Variants in COCH observed in about 807,000 individuals in gnomAD.
The protein encoded by COCH is coagulation factor C homolog, cochlin (Limulus polyphemus).
COCH carries 40 observed loss-of-function variants against 54.8 expected under a neutral mutation model. That is an observed-to-expected ratio of 0.73 (90% confidence interval 0.57 to 0.95). The LOEUF (loss-of-function observed/expected upper bound fraction) is 0.95. COCH is among the 40% of genes least tolerant of loss of function. The probability of loss-of-function intolerance (pLI) is 0.00; values close to 1 mark genes in which losing one functional copy is unlikely to be tolerated. For missense variants in COCH, 605 were observed against 675.0 expected (o/e 0.90, Z 1.15); for synonymous variants, 256 against 237.9 (o/e 1.08, Z -0.70).
At chr14:30,892,560 T>A (rs1476911392), downstream of COCH, among the ~76,000 whole-genome samples, 1 of 152,100 alleles carries the variant, frequency 6.6e-6, no homozygotes, top group East Asian at 1.9e-4. Context: ...AGCCAGCACT[T>A]TGGGAGGCCG....
intron 11 of COCH, among the ~76,000 whole-genome samples, chr14:30,886,684 G>A (rs1163640223): frequency 1.3e-5 from 2 of 152,204 alleles, no homozygotes; most frequent in Non-Finnish European, 2.9e-5. Context: ...CAAATAGCCA[G>A]CTTATAACCT....
chr14:30,884,338 T>A (rs1232848822), intron 8 of COCH: 4 of 539,502 alleles, frequency 7.4e-6, no homozygotes, highest in Non-Finnish European at 1.3e-5. Flanking sequence ...TTACCCAGAA[T>A]ATAATAAATC....
In COCH at chr14:30,885,798, TG is replaced by T; in HGVS notation, c.964del (p.Val322SerfsTer22). 1 of 1,614,036 alleles carries T rather than the reference TG, an allele frequency of 6.2e-7. No homozygotes were observed. The highest frequency in any genetic ancestry group is 8.5e-7 in the Non-Finnish European group (1 of 1,179,972). On this transcript the variant is annotated frameshift_variant, in exon 11 of 12. Transcript: ENST00000396618. LOFTEE classifies it high-confidence loss of function. ...VQDVTFVDKAVCRNNGFFSYH... is the reference protein window; with the variant it reads ...VQDVTFVDKAXCRNNGFFSYH... ...CTTTTATGTGTCTCCCCCATTAGGC[TG>T]TCTGTCGGAATAATGGCTTCTTCTC...
In COCH at chr14:30,886,101, T is replaced by C; in HGVS notation, c.1266T>C (p.Thr422=). 1.2e-6 allele frequency: 2 copies of C among 1,614,226 alleles called. No individual in the cohort carries two copies. The highest frequency in any genetic ancestry group is 1.7e-5 in the Admixed American group (1 of 60,024). The change falls in exon 11 of 12, where the codon ACT becomes ACC. Residue 422 remains threonine (T), a synonymous_variant. Coordinates refer to ENST00000396618, the MANE Select transcript of COCH (RefSeq NM_004086.3). ...ATCAGCGCACGGAGTTCAGTTTCAC[T>C]GACTATAGCACCAAAGAGAATGTCC... is the stretch of plus-strand genomic sequence containing the variant. The part of the protein sequence containing the change: ...TYDQRTEFSF[T]DYSTKENVLA...
chr14:30,880,332 A>T (rs1566408881), intron 6 of COCH, 120 bp from the exon 7 acceptor site: 18 of 1,457,266 alleles, frequency 1.2e-5, no homozygotes, highest in Non-Finnish European at 1.6e-5. Flanking sequence ...GAGGAAATTA[A>T]TTTTTTTAAA....
At position 30,877,607 on chromosome 14, in the gene COCH, G is replaced by T. The variant is rs143098658; in HGVS notation, c.118G>T (p.Asp40Tyr). 1 of 1,614,168 alleles carries T rather than the reference G, an allele frequency of 6.2e-7. No individual in the cohort carries two copies. The highest frequency in any genetic ancestry group is 1.1e-5 in the South Asian group (1 of 91,084). The change falls in exon 4 of 12, where the codon GAC becomes TAC. Residue 40 changes from aspartate (D) to tyrosine (Y), a missense_variant. By Grantham distance (160) the Asp-to-Tyr change is radical (BLOSUM62 -3). Transcript: ENST00000396618. The surrounding 1 kb of genome is among the most constrained non-coding windows in gnomAD (Gnocchi z 8.6). ...TATCACATGTTTTACCAGAGGCTTG[G>T]ACATCAGGAAAGAGAAAGCAGATGT... Reference protein sequence around the residue: ...IAITCFTRGLDIRKEKADVLC... With the variant: ...IAITCFTRGLYIRKEKADVLC...
chr14:30,879,002 GCTT>G, intron 5 of COCH, 58 bp downstream of exon 5: 3 of 1,597,974 alleles, frequency 1.9e-6, no homozygotes, highest in South Asian at 2.2e-5. Context: ...AACGTTTTCT[GCTT>G]TTTTTAGCTC....
chr14:30,885,239 G>A, intron 9 of COCH, 155 bp from the exon 10 acceptor site: 1 of 934,668 alleles, frequency 1.1e-6, no homozygotes, highest in Admixed American at 2.3e-5. Context: ...ATCTGTTACA[G>A]AACTGGGTTC....
At chr14:30,884,852 T>C (rs1895726868) in intron 9 of COCH, 196 bp downstream of exon 9, 4 of 1,485,422 alleles carry the variant, frequency 2.7e-6, no homozygotes, top group Non-Finnish European at 3.6e-6. Context: ...TTGATATTTC[T>C]TATTTTAAAA....
intron 9 of COCH, chr14:30,884,902 T>C (rs200869413): frequency 1.1e-5 from 18 of 1,591,334 alleles, no homozygotes; most frequent in Non-Finnish European, 1.4e-5. Context: ...ATACATTGGA[T>C]TGACTAGATA....
intron 11 of COCH, chr14:30,889,215 C>T: frequency 4.4e-6 from 1 of 226,608 alleles, no homozygotes; most frequent in Non-Finnish European, 8.8e-6. Context: ...CTGTTTGATG[C>T]AGGCCAACCT....
downstream of COCH, among the ~76,000 whole-genome samples, chr14:30,891,389 T>A (rs1039273788): frequency 6.6e-6 from 1 of 152,176 alleles, no homozygotes; most frequent in Non-Finnish European, 1.5e-5. Flanking sequence ...CTGGTTAGAA[T>A]AATATACTCC....
chr14:30,883,285 C>T (rs1266538218), intron 8 of COCH, among the ~76,000 whole-genome samples: 1 of 152,202 alleles, frequency 6.6e-6, no homozygotes, highest in Non-Finnish European at 1.5e-5. Context: ...GCAAATTCCC[C>T]TGCAGTACTT....
At chr14:30,883,597 A>G (rs1180179192) in intron 8 of COCH, among the ~76,000 whole-genome samples, 1 of 152,238 alleles carries the variant, frequency 6.6e-6, no homozygotes, top group Non-Finnish European at 1.5e-5. Context: ...ATGTATGCAG[A>G]AATACAGTCA....
intron 8 of COCH, among the ~76,000 whole-genome samples, chr14:30,884,116 G>T (rs1307049731): frequency 6.6e-6 from 1 of 152,116 alleles, no homozygotes; most frequent in Non-Finnish European, 1.5e-5. Flanking sequence ...TTAAACCCGA[G>T]GCTCTGAGCC....
At chr14:30,880,364 C>A in intron 6 of COCH, 88 bp from the exon 7 acceptor site, 2 of 1,572,268 alleles carry the variant, frequency 1.3e-6, no homozygotes, top group Non-Finnish European at 1.7e-6. Context: ...AAGAATGGCA[C>A]TCTGTTGTTA....
rs749336302 is a variant in COCH, at chr14:30,885,558, T to A, written c.898T>A (p.Ser300Thr). The A allele has an allele frequency of 1.9e-6, 3 of 1,613,494 alleles. No homozygotes were observed. Among genetic ancestry groups the A allele is most frequent in the Non-Finnish European group, 2.5e-6 (3 of 1,179,506 alleles). ...REFGVNVFIV[S>T]VAKPIPEELG... ...GTTTGGTGTCAATGTATTTATAGTT[T>A]CTGTGGCCAAGCCTATCCCTGAAGA... is the stretch of plus-strand genomic sequence containing the variant. Residue 300 changes from serine (S) to threonine (T), a missense_variant, in exon 10 of 12, where the codon TCT becomes ACT. Coordinates refer to ENST00000396618, the MANE Select transcript of COCH (RefSeq NM_004086.3).
At chr14:30,884,775 C>A (rs1279720652) in intron 9 of COCH, 119 bp downstream of exon 9, 27 of 1,288,102 alleles carry the variant, frequency 2.1e-5, no homozygotes, top group South Asian at 1.7e-4. Context: ...GAACTGAAAT[C>A]TTGGCTAGGT....
chr14:30,875,157 G>A lies in COCH; in HGVS notation c.82+54G>A, dbSNP rs577571350. 1.3e-5 allele frequency: 20 copies of A among 1,540,846 alleles called. No homozygotes were observed. In the African/African-American group the frequency reaches 2.2e-4, roughly 17 times the overall value. ...GCGGTCGCAGGGGCTGAGCACCAGC[G>A]GGTACAAGCGGGACTCAGATCCAGC... On this transcript the variant is annotated intron_variant, in intron 3 of 11. Coordinates refer to ENST00000396618, the MANE Select transcript of COCH (RefSeq NM_004086.3).
Sources: allele counts gnomAD v4.1 joint callset (sites outside exome capture counted in the v4.1 genomes callset), GRCh38; gene constraint gnomAD v4.1.1; non-coding constraint Gnocchi (gnomAD v3.1); transcripts MANE v1.5; gene names NCBI Gene and HGNC (gene_info 2026-07-23, HGNC 2026-07-21).